EFCAB11: variants seen among roughly 807,000 people sequenced by gnomAD.
EFCAB11 encodes EF-hand calcium-binding domain-containing protein 11.
In EFCAB11, 14 loss-of-function variants were observed where a neutral mutation model predicts 23.0. The observed-to-expected ratio is 0.61, with a 90% CI of 0.40 to 0.95. The LOEUF (loss-of-function observed/expected upper bound fraction) is 0.95. Ranked by LOEUF, EFCAB11 falls within the 40% of genes least tolerant of loss-of-function variation. The pLI is 0.00. For synonymous variants in EFCAB11, 65 were observed against 66.6 expected (o/e 0.98, Z 0.11); for missense variants, 198 against 195.8 (o/e 1.01, Z -0.07).
At chr14:89,865,797 T>G (rs1449839428) in intron 5 of EFCAB11, among the ~76,000 whole-genome samples, 1 of 151,314 alleles carries the variant, frequency 6.6e-6, no homozygotes, top group Non-Finnish European at 1.5e-5. Context: ...CCCAAGTTGG[T>G]GGGATTACAG....
intron 5 of EFCAB11, among the ~76,000 whole-genome samples, chr14:89,859,687 C>CA (rs574371635): frequency 9.5e-4 from 144 of 151,888 alleles, no homozygotes; most frequent in African/African-American, 3.4e-3. Context: ...CACTGTATGC[C>CA]AAAAAAACAG....
At chr14:89,912,001 T>G (rs1889695051) in intron 5 of EFCAB11, among the ~76,000 whole-genome samples, 1 of 152,182 alleles carries the variant, frequency 6.6e-6, no homozygotes, top group Admixed American at 6.5e-5. Context: ...GAGATACTTT[T>G]CAAAGGTCTC....
intron 5 of EFCAB11, chr14:89,829,820 T>C (rs1223280957): frequency 6.6e-6 from 1 of 152,220 alleles, no homozygotes; most frequent in East Asian, 1.9e-4. Flanking sequence ...ATAAAGCATT[T>C]TGAATTTTAT....
intron 5 of EFCAB11, among the ~76,000 whole-genome samples, chr14:89,855,408 T>G (rs979849111): frequency 1.3e-5 from 2 of 151,924 alleles, no homozygotes; most frequent in East Asian, 1.9e-4. Flanking sequence ...TCTGGGAAGT[T>G]GAGGCTGCAG....
chr14:89,912,322 T>C (rs1364324347), intron 5 of EFCAB11, among the ~76,000 whole-genome samples: 2 of 152,200 alleles, frequency 1.3e-5, no homozygotes, highest in Non-Finnish European at 2.9e-5. Flanking sequence ...AGCAAATATC[T>C]AGGTTGTTCA....
chr14:89,797,707 G>A (rs1885621983), intron 5 of EFCAB11, among the ~76,000 whole-genome samples: 1 of 152,170 alleles, frequency 6.6e-6, no homozygotes, highest in Admixed American at 6.5e-5. Context: ...CAAGGTGGGT[G>A]GATCACCTGA....
Position 89,953,207 on chromosome 14 carries a change from G to GAA in EFCAB11, c.171+697_171+698dup, listed in dbSNP as rs374879381. 3.3e-3 allele frequency among the ~76,000 whole-genome samples: 418 copies of GAA among 128,420 alleles called. 2 individuals are homozygous for GAA. Among genetic ancestry groups the GAA allele is most frequent in the African/African-American group, 0.011 (382 of 35,040 alleles). 84.2% of individuals were successfully genotyped at this position (128,420 alleles called of 152,430 possible). On this transcript the variant is annotated intron_variant, in intron 2 of 5. Transcript: ENST00000316738. ...GTGTATCATTGCAGCAATGTTGGCA[G>GAA]AAAAAAAAAAAAAACCCCACCTATA...
intron 5 of EFCAB11, chr14:89,837,100 C>G (rs1351425405): frequency 2.2e-6 from 1 of 456,622 alleles, no homozygotes; most frequent in Non-Finnish European, 4.4e-6. Context: ...TTTTAGACTT[C>G]TGGTCAATAT....
intron 5 of EFCAB11, 57 bp from the exon 6 acceptor site, chr14:89,797,381 G>A (rs928955010): frequency 6.8e-6 from 10 of 1,465,888 alleles, no homozygotes; most frequent in East Asian, 2.3e-5. Context: ...CCTATGCACC[G>A]AGAGCACATT....
chr14:89,839,256 G>A (rs1226233936), intron 5 of EFCAB11, among the ~76,000 whole-genome samples: 4 of 152,190 alleles, frequency 2.6e-5, no homozygotes, highest in Non-Finnish European at 1.5e-5. Flanking sequence ...AAGGAGGTGG[G>A]TGTATTTACT....
intron 3 of EFCAB11, among the ~76,000 whole-genome samples, chr14:89,934,800 T>C (rs983823608): frequency 6.6e-6 from 1 of 152,176 alleles, no homozygotes; most frequent in African/African-American, 2.4e-5. Context: ...TCCATAACTT[T>C]AGCTTCATGA....
chr14:89,873,301 C>T (rs1888339860), intron 5 of EFCAB11, among the ~76,000 whole-genome samples: 1 of 152,068 alleles, frequency 6.6e-6, no homozygotes, highest in Admixed American at 6.5e-5. Flanking sequence ...AAAACCCACC[C>T]CCATAATTCA....
intron 5 of EFCAB11, among the ~76,000 whole-genome samples, chr14:89,801,958 C>T (rs1885795757): frequency 6.6e-6 from 1 of 150,788 alleles, no homozygotes; most frequent in Admixed American, 6.6e-5. Context: ...CGCACTACTG[C>T]ACTCCAGCCC....
chr14:89,824,201 A>G (rs958496280), intron 5 of EFCAB11, among the ~76,000 whole-genome samples: 5 of 152,190 alleles, frequency 3.3e-5, no homozygotes, highest in African/African-American at 9.6e-5. Flanking sequence ...ACTTGTTCAG[A>G]GAAAAAAATA....
chr14:89,836,332 C>G (rs1237131414), intron 5 of EFCAB11: 1 of 309,014 alleles, frequency 3.2e-6, no homozygotes, highest in African/African-American at 2.2e-5. Flanking sequence ...TATGTCCATC[C>G]AAAGCTCATA....
chr14:89,924,851 G>A (rs1890139070), intron 5 of EFCAB11, among the ~76,000 whole-genome samples: 1 of 152,216 alleles, frequency 6.6e-6, no homozygotes, highest in Non-Finnish European at 1.5e-5. Context: ...GAATTTTACT[G>A]TCACAGGGTA....
intron 5 of EFCAB11, among the ~76,000 whole-genome samples, chr14:89,822,080 T>C (rs1886537583): frequency 6.6e-6 from 1 of 151,898 alleles, no homozygotes; most frequent in Non-Finnish European, 1.5e-5. Context: ...TAACTCGAGG[T>C]TTTTTTTATG....
At position 89,820,810 on chromosome 14, in the gene EFCAB11, T is replaced by C. The variant is rs567636936; in HGVS notation, c.411-23486A>G. Among the ~76,000 whole-genome samples, 10 of 152,258 alleles carry C rather than the reference T, an allele frequency of 6.6e-5. No individual in the cohort carries two copies. In the South Asian group the frequency reaches 2.1e-3, roughly 32 times the overall value. On this transcript the variant is annotated intron_variant, in intron 5 of 5. Coordinates refer to ENST00000316738, the MANE Select transcript of EFCAB11 (RefSeq NM_145231.4). The stretch of plus-strand genomic sequence containing the variant: ...TTTATGTGTTACCTTGGCTAGGCTA[T>C]GATGCCCAGTTGTTTGATCAAATAC...
rs529313892 is a variant in EFCAB11, at chr14:89,925,748, C to T, written c.410+5793G>A. Among the ~76,000 whole-genome samples, 241 of 150,866 alleles carry T rather than the reference C, an allele frequency of 1.6e-3. 1 individual carries two copies. The highest frequency in any genetic ancestry group is 5.8e-3 in the African/African-American group (236 of 41,020). On this transcript the variant is annotated intron_variant, in intron 5 of 5. Coordinates refer to ENST00000316738, the MANE Select transcript of EFCAB11 (RefSeq NM_145231.4). ...GCAACCTCCGCCTCCCGGGTTCAAG[C>T]GATTCTCCTGCCTCAGCCTCCTGGG...
Sources: allele counts gnomAD v4.1 joint callset (sites outside exome capture counted in the v4.1 genomes callset), GRCh38; gene constraint gnomAD v4.1.1; transcripts MANE v1.5; gene names NCBI Gene and HGNC (gene_info 2026-07-23, HGNC 2026-07-21).